FLNB: variants seen among roughly 807,000 people sequenced by gnomAD.
FLNB encodes the protein filamin B.
In FLNB, 111 loss-of-function variants were observed where a neutral mutation model predicts 250.6. That is an observed-to-expected ratio of 0.44 (90% confidence interval 0.38 to 0.52). The LOEUF is 0.52. FLNB is among the 20% of genes least tolerant of loss of function. FLNB has a pLI of 0.00. For synonymous variants in FLNB, 1,302 were observed against 1,372.1 expected (o/e 0.95, Z 1.13); for missense variants, 2,869 against 3,447.8 (o/e 0.83, Z 4.20).
At chr3:58,101,935 C>G (rs542619814) in intron 8 of FLNB, among the ~76,000 whole-genome samples, 2 of 152,198 alleles carry the variant, frequency 1.3e-5, no homozygotes, top group Non-Finnish European at 2.9e-5. Context: ...GAAGCAGGAG[C>G]ACAGCATGGA....
At chr3:58,058,802 T>C (rs747929657) in intron 1 of FLNB, among the ~76,000 whole-genome samples, 1 of 152,236 alleles carries the variant, frequency 6.6e-6, no homozygotes, top group Non-Finnish European at 1.5e-5. Context: ...TCTTCCTTTC[T>C]TTCTGTGTGT....
At chr3:58,053,957 C>G (rs2097166548) in intron 1 of FLNB, among the ~76,000 whole-genome samples, 1 of 152,152 alleles carries the variant, frequency 6.6e-6, no homozygotes. Flanking sequence ...AAGAGCAACA[C>G]CTTTCACCTG....
rs923194096 is a variant in FLNB at position 58,008,472 on chromosome 3, C to G, written c.-93C>G. Reference sequence around the variant, plus strand: ...TAGCAGCAAGTTCGAACCCCGCTCCCGCTCCGCTTCGGTTCTCGCTCCTTC... The same window carrying G: ...TAGCAGCAAGTTCGAACCCCGCTCCGGCTCCGCTTCGGTTCTCGCTCCTTC... On this transcript the variant is annotated 5_prime_UTR_variant, in exon 1 of 46. Coordinates refer to ENST00000295956, the MANE Select transcript of FLNB (RefSeq NM_001457.4). 4 of 1,441,364 alleles carry G rather than the reference C, an allele frequency of 2.8e-6. No individual in the cohort carries two copies. The highest frequency in any genetic ancestry group is 1.2e-5 in the South Asian group (1 of 81,606). The allele number at this position is 1,441,364 out of a possible 1,614,324, so 89.3% of individuals were successfully genotyped here.
chr3:58,142,077 C>G lies in FLNB; in HGVS notation c.5181+148C>G. On this transcript the variant is annotated intron_variant, in intron 30 of 45. Transcript: ENST00000295956. The surrounding 1 kb of genome is among the most constrained non-coding windows in gnomAD (Gnocchi z 4.3). ...TCACTGATCAGCCCATCACGATGAT[C>G]CCTGCTTTTTCTGTAATAAGATCAC... The G allele has an allele frequency of 1.4e-6, 1 of 737,574 alleles. No individual in the cohort carries two copies. Among genetic ancestry groups the G allele is most frequent in the East Asian group, 2.7e-5 (1 of 37,280 alleles). 45.7% of individuals were successfully genotyped at this position (737,574 alleles called of 1,614,324 possible).
rs776434196 is a variant in FLNB, at chr3:58,134,777, C to G, written c.4671+5C>G. ...CTGCTTGCTGTTCAAATAACGGTAA[C>G]TTGGAGTTATTTTCTGAGCCAAACC... is the stretch of plus-strand genomic sequence containing the variant. On this transcript the variant is annotated splice_donor_5th_base_variant and intron_variant, in intron 27 of 45. Coordinates refer to ENST00000295956, the MANE Select transcript of FLNB (RefSeq NM_001457.4). The G allele has an allele frequency of 5.3e-5, 85 of 1,613,136 alleles. No homozygotes were observed. The highest frequency in any genetic ancestry group is 6.7e-5 in the Non-Finnish European group (79 of 1,179,212).
intron 22 of FLNB, 67 bp from the exon 23 acceptor site, chr3:58,125,514 G>T: frequency 6.4e-7 from 1 of 1,558,774 alleles, no homozygotes; most frequent in South Asian, 1.1e-5. Context: ...CTCTGAAGTA[G>T]AGAATCATTT....
intron 24 of FLNB, among the ~76,000 whole-genome samples, chr3:58,128,710 T>C (rs1410140964): frequency 6.6e-6 from 1 of 152,182 alleles, no homozygotes; most frequent in African/African-American, 2.4e-5. Flanking sequence ...TGAAACTTTT[T>C]GACTATGGGG....
intron 8 of FLNB, among the ~76,000 whole-genome samples, chr3:58,101,054 C>G (rs548054473): frequency 6.6e-6 from 1 of 152,290 alleles, no homozygotes; most frequent in African/African-American, 2.4e-5. Context: ...ATATCACTTT[C>G]ACAATGGAAA....
At chr3:58,050,724 C>T (rs986604462) in intron 1 of FLNB, among the ~76,000 whole-genome samples, 2 of 152,176 alleles carry the variant, frequency 1.3e-5, no homozygotes, top group Non-Finnish European at 2.9e-5. Flanking sequence ...TTGGAAGACC[C>T]TAAGTCTCCA....
In FLNB at chr3:58,112,168, G is replaced by A. The variant is rs569378710; in HGVS notation, c.2595G>A (p.Pro865=). 1.6e-5 allele frequency: 26 copies of A among 1,614,106 alleles called. No individual in the cohort carries two copies. The highest frequency in any genetic ancestry group is 4.5e-5 in the East Asian group (2 of 44,878). ...TTCCAGGTGTGGAAAATGGGAAACC[G>A]ACCCACTTCACTGTCTACACCAAGG... ...LSKAGVENGK[P]THFTVYTKGA... is the part of the protein sequence containing the mutation. The change falls in exon 18 of 46, where the codon CCG becomes CCA. Residue 865 remains proline, a synonymous_variant. Transcript: ENST00000295956.
intron 19 of FLNB, among the ~76,000 whole-genome samples, chr3:58,120,325 G>A (rs1351640525): frequency 9.9e-5 from 15 of 152,214 alleles, no homozygotes. Flanking sequence ...CTCCAGAACA[G>A]GAAAAGCAGG....
chr3:58,117,021 C>A (rs1465490935), intron 18 of FLNB, among the ~76,000 whole-genome samples: 1 of 152,162 alleles, frequency 6.6e-6, no homozygotes, highest in African/African-American at 2.4e-5. Flanking sequence ...CTCTCTCAGT[C>A]CCATCCTCTT....
intron 1 of FLNB, among the ~76,000 whole-genome samples, chr3:58,059,698 G>T (rs938727311): frequency 6.6e-6 from 1 of 152,202 alleles, no homozygotes; most frequent in Non-Finnish European, 1.5e-5. Flanking sequence ...AAGCCGATCT[G>T]CTGTGTACTT....
chr3:58,158,543 TTAAG>T (rs1161700834), intron 41 of FLNB, among the ~76,000 whole-genome samples: 1 of 152,198 alleles, frequency 6.6e-6, no homozygotes, highest in African/African-American at 2.4e-5. Context: ...TGCTTACACA[TTAAG>T]TGTGAGCCAT....
Position 58,161,502 on chromosome 3 carries a change from G to A in FLNB, c.7022-1652G>A, listed in dbSNP as rs2107314223. Among the ~76,000 whole-genome samples the A allele has an allele frequency of 1.3e-5, 2 of 152,222 alleles. 1 individual carries two copies. Among genetic ancestry groups the A allele is most frequent in the South Asian group, 4.2e-4 (2 of 4,814 alleles). On this transcript the variant is annotated intron_variant, in intron 42 of 45. Transcript: ENST00000295956. ...CTCTTAAAGCCAATGTGCTTCAGGG[G>A]AAGCTAACTCCACCCCAGACAGGAT...
chr3:58,077,009 C>A (rs758883902), intron 1 of FLNB, 37 bp from the exon 2 acceptor site: 10 of 1,613,280 alleles, frequency 6.2e-6, no homozygotes, highest in Non-Finnish European at 8.5e-6. Flanking sequence ...ACTTGTGTAA[C>A]CCAAAGGAAT....
rs377584714 is a variant in FLNB at position 58,136,206 on chromosome 3, T to C, written c.4861+38T>C. On this transcript the variant is annotated intron_variant, in intron 28 of 45. Transcript: ENST00000295956. ...CATCTCAAGGTCAGGGGCACAGGCT[T>C]TGCAATCAGAAAGCCGGGCCGTAGC... 8 of 1,608,508 alleles carry C rather than the reference T, an allele frequency of 5.0e-6. No individual in the cohort carries two copies. The African/African-American group carries it at 9.4e-5, about 19-fold the overall frequency.
rs202156074 is a variant in FLNB at position 58,125,649 on chromosome 3, A to T, written c.3967A>T (p.Thr1323Ser). 4.6e-5 allele frequency: 74 copies of T among 1,614,156 alleles called. No individual in the cohort carries two copies. Among genetic ancestry groups the T allele is most frequent in the Admixed American group, 4.5e-4 (27 of 60,014 alleles). ...AAACAGTCCCTTCAAGGTGGCTGTC[A>T]CTGAAGGCTGCCAGCCATCTAGGGT... ...IPNSPFKVAV[T>S]EGCQPSRVQA... The change falls in exon 23 of 46, where the codon ACT (threonine) becomes TCT (serine). Residue 1323 changes from threonine to serine, a missense_variant. Around this residue, in one of 5 missense-constraint regions of FLNB, gnomAD observed 1,348 missense variants for 1,466.7 expected, o/e 0.92. Coordinates refer to ENST00000295956, the MANE Select transcript of FLNB (RefSeq NM_001457.4).
chr3:58,129,468 A>G (rs1415695698), intron 24 of FLNB, among the ~76,000 whole-genome samples: 3 of 152,182 alleles, frequency 2.0e-5, no homozygotes, highest in African/African-American at 7.2e-5. Context: ...GTCCCTTGCC[A>G]TCAGCTGTTG....
Sources: allele counts gnomAD v4.1 joint callset (sites outside exome capture counted in the v4.1 genomes callset), GRCh38; gene constraint gnomAD v4.1.1; regional missense constraint gnomAD v4.1.1; non-coding constraint Gnocchi (gnomAD v3.1); transcripts MANE v1.5; gene names NCBI Gene and HGNC (gene_info 2026-07-23, HGNC 2026-07-21).